CPNE5: variants seen among roughly 807,000 people sequenced by gnomAD.
CPNE5 encodes copine 5, also known as copine-5.
Under a neutral mutation model 81.1 loss-of-function variants are expected in CPNE5, and 42 were observed. The ratio of observed to expected loss-of-function variants is 0.52; its 90% CI spans 0.40 to 0.67. The LOEUF is 0.67. Ranked by LOEUF, CPNE5 falls within the 30% of genes least tolerant of loss-of-function variation. CPNE5 has a pLI of 0.00. For missense variants in CPNE5, 612 were observed against 815.5 expected, an observed-to-expected ratio of 0.75 and a Z score of 3.04; for synonymous variants, 313 against 321.5, an observed-to-expected ratio of 0.97 and a Z score of 0.28.
At chr6:36,792,155 A>C (rs1226870908) in intron 7 of CPNE5, 59 bp from the exon 8 acceptor site, 42 of 1,523,030 alleles carry the variant, frequency 2.8e-5, no homozygotes, top group Non-Finnish European at 3.6e-5. Flanking sequence ...CATAAACCTG[A>C]CACTCCCTCA....
intron 9 of CPNE5, among the ~76,000 whole-genome samples, chr6:36,777,761 C>G (rs1562126192): frequency 1.9e-4 from 6 of 31,838 alleles, no homozygotes; most frequent in South Asian, 1.4e-3. Context: ...CTACCCCCCC[C>G]CCCACCACAC....
intron 14 of CPNE5, among the ~76,000 whole-genome samples, chr6:36,749,072 G>A (rs538306344): frequency 1.3e-5 from 2 of 151,740 alleles, no homozygotes; most frequent in African/African-American, 2.4e-5. Context: ...AAATAGCTGG[G>A]ACCACAGGCA....
intron 3 of CPNE5, among the ~76,000 whole-genome samples, chr6:36,819,402 C>T (rs1241637253): frequency 2.6e-5 from 4 of 152,168 alleles, no homozygotes; most frequent in Non-Finnish European, 5.9e-5. Flanking sequence ...GTCTGGCCCC[C>T]ACATGTTTCC....
intron 12 of CPNE5, among the ~76,000 whole-genome samples, chr6:36,761,840 G>A (rs1766053028): frequency 6.6e-6 from 1 of 152,198 alleles, no homozygotes; most frequent in Non-Finnish European, 1.5e-5. Context: ...GGTTTGGCAT[G>A]AACCATGATG....
rs11444450 is a variant in CPNE5 at position 36,828,308 on chromosome 6, C to CAA, written c.96-5212_96-5211dup. Reference sequence around the variant, plus strand: ...CATCTCTAAAACAACAACAACAAACCAAAAAAAAAAAAAAAAAAAAAGAAA... The same window carrying CAA: ...CATCTCTAAAACAACAACAACAAACCAAAAAAAAAAAAAAAAAAAAAAAGAAA... On this transcript the variant is annotated intron_variant, in intron 1 of 20. Transcript: ENST00000244751. Among the ~76,000 whole-genome samples the CAA allele has an allele frequency of 7.4e-3, 584 of 78,522 alleles. 2 individuals carry two copies. The highest frequency in any genetic ancestry group is 0.012 in the South Asian group (24 of 2,058). 51.5% of individuals were successfully genotyped at this position (78,522 alleles called of 152,430 possible).
chr6:36,743,436 G>A (rs556300735), intron 20 of CPNE5, among the ~76,000 whole-genome samples: 65 of 152,364 alleles, frequency 4.3e-4, no homozygotes, highest in African/African-American at 1.5e-3. Flanking sequence ...GGCTGGCAGA[G>A]GGTTCTGGCC....
chr6:36,749,812 T>C (rs571741512), intron 14 of CPNE5, among the ~76,000 whole-genome samples: 1 of 152,316 alleles, frequency 6.6e-6, no homozygotes, highest in East Asian at 1.9e-4. Context: ...CACATTTGCA[T>C]GTGTTTGACG....
intron 3 of CPNE5, among the ~76,000 whole-genome samples, chr6:36,802,824 C>A (rs955076574): frequency 8.6e-5 from 13 of 151,814 alleles, no homozygotes; most frequent in African/African-American, 2.9e-4. Flanking sequence ...CTGAGGCGGG[C>A]GGATCACTTG....
intron 3 of CPNE5, among the ~76,000 whole-genome samples, chr6:36,811,697 G>A (rs899369698): frequency 5.9e-5 from 9 of 152,144 alleles, no homozygotes; most frequent in African/African-American, 1.4e-4. Context: ...CATGTCTAAT[G>A]TATTACACAG....
At chr6:36,826,013 G>C (rs1011257891) in intron 1 of CPNE5, among the ~76,000 whole-genome samples, 3 of 152,144 alleles carry the variant, frequency 2.0e-5, no homozygotes, top group Non-Finnish European at 4.4e-5. Flanking sequence ...TGTGAGACTC[G>C]GAAGGACAAC....
intron 8 of CPNE5, among the ~76,000 whole-genome samples, chr6:36,783,247 G>T (rs1458459314): frequency 6.6e-6 from 1 of 152,012 alleles, no homozygotes; most frequent in Non-Finnish European, 1.5e-5. Flanking sequence ...GGAAGGAGAG[G>T]ATCAGGAAAA....
At chr6:36,773,987 G>C (rs1267615565) in intron 10 of CPNE5, among the ~76,000 whole-genome samples, 1 of 151,856 alleles carries the variant, frequency 6.6e-6, no homozygotes, top group African/African-American at 2.4e-5. Context: ...GATTGCTTGA[G>C]CCCAGGAGGT....
At chr6:36,832,405 G>A (rs1249299041) in intron 1 of CPNE5, among the ~76,000 whole-genome samples, 1 of 152,160 alleles carries the variant, frequency 6.6e-6, no homozygotes, top group Non-Finnish European at 1.5e-5. Context: ...CCCAGCTTTG[G>A]CCCCTGAAAT....
intron 2 of CPNE5, among the ~76,000 whole-genome samples, chr6:36,822,728 G>A (rs1000551619): frequency 1.3e-5 from 2 of 152,132 alleles, no homozygotes; most frequent in Non-Finnish European, 2.9e-5. Context: ...CTAGAACCTG[G>A]ACTCCAAAAC....
chr6:36,805,847 A>G (rs145031247), intron 3 of CPNE5, among the ~76,000 whole-genome samples: 181 of 152,340 alleles, frequency 1.2e-3, no homozygotes, highest in Non-Finnish European at 1.0e-3. Flanking sequence ...ATGAATATCA[A>G]TTAAGCAGTG....
At chr6:36,749,981 G>A (rs545554536) in intron 14 of CPNE5, among the ~76,000 whole-genome samples, 22 of 152,348 alleles carry the variant, frequency 1.4e-4, no homozygotes, top group African/African-American at 5.3e-4. Context: ...ACACGGCAGT[G>A]AGCATAGAAT....
At chr6:36,816,214 G>A (rs1771532078) in intron 3 of CPNE5, among the ~76,000 whole-genome samples, 1 of 152,194 alleles carries the variant, frequency 6.6e-6, no homozygotes, top group Admixed American at 6.6e-5. Context: ...ATCAAGTTCA[G>A]GCCTCATCTG....
At chr6:36,742,844 T>A in intron 20 of CPNE5, 1 of 985,356 alleles carries the variant, frequency 1.0e-6, no homozygotes, top group East Asian at 1.1e-4. Flanking sequence ...CCCTCCTGGG[T>A]TTCCCCCGAC....
At chr6:36,743,118 T>C in intron 20 of CPNE5, 1 of 985,438 alleles carries the variant, frequency 1.0e-6, no homozygotes, top group Non-Finnish European at 1.2e-6. Flanking sequence ...CAAGGGGGTA[T>C]GCAGGATGTC....
Sources: allele counts gnomAD v4.1 joint callset (sites outside exome capture counted in the v4.1 genomes callset), GRCh38; gene constraint gnomAD v4.1.1; transcripts MANE v1.5; gene names NCBI Gene and HGNC (gene_info 2026-07-23, HGNC 2026-07-21).